The following CALCR variants were observed in gnomAD, a reference collection of about 807,000 sequenced individuals.
CALCR encodes calcitonin receptor.
CALCR carries 47 observed loss-of-function variants against 59.5 expected under a neutral mutation model. The observed-to-expected ratio is 0.79, with a 90% CI of 0.63 to 1.01. The LOEUF (loss-of-function observed/expected upper bound fraction) is 1.01. CALCR is among the 50% of genes least tolerant of loss of function. The pLI is 0.00. For missense variants in CALCR, 566 were observed against 597.1 expected (o/e 0.95, Z 0.54); for synonymous variants, 213 against 211.3 (o/e 1.01, Z -0.07).
chr7:93,472,887 A>C (rs1198505937), intron 5 of CALCR, among the ~76,000 whole-genome samples: 1 of 151,852 alleles, frequency 6.6e-6, no homozygotes, highest in Non-Finnish European at 1.5e-5. Context: ...CTACTAGAGA[A>C]GAACAAGAAC....
At chr7:93,513,492 C>A (rs1801591516) in intron 2 of CALCR, among the ~76,000 whole-genome samples, 1 of 152,026 alleles carries the variant, frequency 6.6e-6, no homozygotes, top group Non-Finnish European at 1.5e-5. Context: ...TCCCATGTTT[C>A]ATTCTTAATG....
At chr7:93,475,387 A>C (rs895913036) in intron 5 of CALCR, among the ~76,000 whole-genome samples, 3 of 151,810 alleles carry the variant, frequency 2.0e-5, no homozygotes, top group Admixed American at 6.6e-5. Context: ...CATTAACAAC[A>C]TGTGAAAAAG....
At chr7:93,478,236 C>T (rs1467974555) in intron 4 of CALCR, among the ~76,000 whole-genome samples, 2 of 151,710 alleles carry the variant, frequency 1.3e-5, no homozygotes, top group Admixed American at 1.3e-4. Context: ...TTACTGCAGA[C>T]AGAAGAATAA....
intron 2 of CALCR, among the ~76,000 whole-genome samples, chr7:93,567,568 T>C (rs1563023640): frequency 6.6e-6 from 1 of 152,082 alleles, no homozygotes; most frequent in Non-Finnish European, 1.5e-5. Context: ...TTTTTAATTA[T>C]ACTTTAAGTT....
intron 2 of CALCR, among the ~76,000 whole-genome samples, chr7:93,558,498 T>A (rs993835176): frequency 2.8e-4 from 43 of 152,122 alleles, no homozygotes; most frequent in African/African-American, 9.9e-4. Flanking sequence ...ATTCATTGTT[T>A]CTCTGTATTT....
intron 2 of CALCR, among the ~76,000 whole-genome samples, chr7:93,537,792 T>C (rs1789031413): frequency 6.6e-6 from 1 of 151,748 alleles, no homozygotes; most frequent in Non-Finnish European, 1.5e-5. Flanking sequence ...TTTAATTTCC[T>C]ATAAAAAGTT....
intron 2 of CALCR, among the ~76,000 whole-genome samples, chr7:93,530,086 T>A (rs528591418): frequency 1.3e-5 from 2 of 152,258 alleles, no homozygotes; most frequent in South Asian, 4.1e-4. Context: ...TTTTTAAAAA[T>A]CAAGTTCTAA....
Position 93,499,008 on chromosome 7 carries a change from A to G in CALCR, c.-26-12001T>C, listed in dbSNP as rs542652961. Among the ~76,000 whole-genome samples the G allele has an allele frequency of 5.3e-5, 8 of 151,808 alleles. No individual in the cohort carries two copies. In the South Asian group the frequency reaches 1.5e-3, roughly 28 times the overall value. The stretch of plus-strand genomic sequence containing the variant: ...CCCAGAAGAACTTCAAACTCACCAC[A>G]TGACTCTTAAGCATGTTACTATATC... On this transcript the variant is annotated intron_variant, in intron 2 of 13. Coordinates refer to ENST00000426151, the MANE Select transcript of CALCR (RefSeq NM_001742.4).
intron 3 of CALCR, among the ~76,000 whole-genome samples, chr7:93,480,014 A>C (rs559176209): frequency 6.6e-6 from 1 of 152,056 alleles, no homozygotes; most frequent in South Asian, 2.1e-4. Context: ...TCCATGGAAC[A>C]AACAAAATAT....
intron 2 of CALCR, among the ~76,000 whole-genome samples, chr7:93,553,035 C>A (rs1294887797): frequency 6.6e-6 from 1 of 152,162 alleles, no homozygotes; most frequent in African/African-American, 2.4e-5. Flanking sequence ...TAATGGACAC[C>A]TGACCTCACA....
intron 3 of CALCR, among the ~76,000 whole-genome samples, chr7:93,483,579 C>T (rs1054369404): frequency 6.6e-6 from 1 of 150,960 alleles, no homozygotes; most frequent in Non-Finnish European, 1.5e-5. Flanking sequence ...ATACAAATTT[C>T]ATAAAGTTTA....
chr7:93,548,773 T>C (rs1223107875), intron 2 of CALCR, among the ~76,000 whole-genome samples: 1 of 151,724 alleles, frequency 6.6e-6, no homozygotes, highest in Non-Finnish European at 1.5e-5. Context: ...TTAGAATTCA[T>C]AATGTAGTTA....
At chr7:93,475,132 C>T (rs1436428645) in intron 5 of CALCR, among the ~76,000 whole-genome samples, 1 of 151,644 alleles carries the variant, frequency 6.6e-6, no homozygotes, top group East Asian at 2.0e-4. Flanking sequence ...TATTGTATGA[C>T]CAAAACAGGT....
rs41278800 is a variant in CALCR at position 93,443,892 on chromosome 7, G to T, written c.649-135C>A. The T allele has an allele frequency of 2.5e-3, 1,694 of 683,582 alleles. 4 individuals are homozygous for T. The highest frequency in any genetic ancestry group is 2.6e-3 in the Non-Finnish European group (1,048 of 399,298). The allele number at this position is 683,582 out of a possible 1,614,324, so 42.3% of individuals were successfully genotyped here. ...CAGTTTCCCAAGCATCTGTAAACATGTGCCACCTGCTATACCCACAAATCA... is the reference window on the plus strand; with the variant it reads ...CAGTTTCCCAAGCATCTGTAAACATTTGCCACCTGCTATACCCACAAATCA... On this transcript the variant is annotated intron_variant, in intron 8 of 13. Transcript: ENST00000426151.
rs78344515 is a variant in CALCR, at chr7:93,425,271, C to G, written c.*1085G>C. On this transcript the variant is annotated 3_prime_UTR_variant, in exon 14 of 14. Transcript: ENST00000426151. ...TGTTTTGGTAATAACAAGAAACAAG[C>G]GGTCAACCACAAGTTGATTTCTAAT... is the stretch of plus-strand genomic sequence containing the variant. 1 of 152,486 alleles carries G rather than the reference C, an allele frequency of 6.6e-6. No homozygotes were observed. Among genetic ancestry groups the G allele is most frequent in the Non-Finnish European group, 1.5e-5 (1 of 67,992 alleles). 9.4% of individuals were successfully genotyped at this position (152,486 alleles called of 1,614,324 possible).
intron 3 of CALCR, among the ~76,000 whole-genome samples, chr7:93,484,814 G>A (rs565430351): frequency 2.9e-4 from 44 of 151,726 alleles, no homozygotes; most frequent in African/African-American, 8.7e-4. Flanking sequence ...CATCAGCATC[G>A]TCACTGGCAT....
At chr7:93,526,149 A>C (rs1445428706) in intron 2 of CALCR, among the ~76,000 whole-genome samples, 1 of 152,164 alleles carries the variant, frequency 6.6e-6, no homozygotes, top group African/African-American at 2.4e-5. Context: ...AGATATAGAA[A>C]GGGGCTTTAG....
intron 11 of CALCR, among the ~76,000 whole-genome samples, chr7:93,437,372 T>C (rs965331657): frequency 3.9e-5 from 6 of 152,198 alleles, no homozygotes; most frequent in East Asian, 1.9e-4. Flanking sequence ...GATAAAGATA[T>C]GGAGCAGTAC....
intron 13 of CALCR, among the ~76,000 whole-genome samples, chr7:93,431,990 A>AGAG (rs1305231625): frequency 6.6e-6 from 1 of 152,182 alleles, no homozygotes; most frequent in Non-Finnish European, 1.5e-5. Flanking sequence ...CTCACTTGGA[A>AGAG]GAGTCATTGT....
Sources: allele counts gnomAD v4.1 joint callset (sites outside exome capture counted in the v4.1 genomes callset), GRCh38; gene constraint gnomAD v4.1.1; transcripts MANE v1.5; gene names NCBI Gene and HGNC (gene_info 2026-07-23, HGNC 2026-07-21).